The following TNKS variants were observed in gnomAD, a reference collection of about 807,000 sequenced individuals.
TNKS encodes the protein poly [ADP-ribose] polymerase tankyrase-1.
Under a neutral mutation model 135.8 loss-of-function variants are expected in TNKS, and 72 were observed. The ratio of observed to expected loss-of-function variants is 0.53; its 90% CI spans 0.44 to 0.64. The LOEUF (loss-of-function observed/expected upper bound fraction) is 0.64. Ranked by LOEUF, TNKS falls within the 30% of genes least tolerant of loss-of-function variation. TNKS has a pLI of 0.00. For missense variants in TNKS, 1,769 were observed against 1,674.0 expected (o/e 1.06, Z -0.99); for synonymous variants, 849 against 649.3 (o/e 1.31, Z -4.68).
rs566448141 is a variant in TNKS, at chr8:9,763,165, C to T, written c.3293C>T (p.Thr1098Ile). Residue 1098 changes from threonine to isoleucine, a missense_variant, in exon 22 of 27, where the codon ACT becomes ATT. Thr to Ile is a moderately conservative substitution (Grantham distance 89). This residue lies in a region of TNKS where 722 missense variants were observed against 688.9 expected (regional missense o/e 1.05). Coordinates refer to ENST00000310430, the MANE Select transcript of TNKS (RefSeq NM_003747.3). Reference protein sequence around the residue: ...GGQQGTNPYLTFHCVNQGTIL... With the variant: ...GGQQGTNPYLIFHCVNQGTIL... ...CCGACAGGCACCAATCCTTATTTGA[C>T]TTTTCACTGTGTTAATCAGGGAACG... The T allele has an allele frequency of 6.3e-6, 10 of 1,581,742 alleles. No individual in the cohort carries two copies. The highest frequency in any genetic ancestry group is 7.7e-6 in the Non-Finnish European group (9 of 1,162,250).
intron 1 of TNKS, among the ~76,000 whole-genome samples, chr8:9,576,366 G>T (rs1340392203): frequency 3.3e-5 from 5 of 152,028 alleles, no homozygotes; most frequent in Admixed American, 2.6e-4. Context: ...GGTGGGAGGA[G>T]GCCTCAGGAT....
chr8:9,772,150 CATTATTAGACCAGGCAAGA>C, intron 26 of TNKS, among the ~76,000 whole-genome samples: 1 of 149,876 alleles, frequency 6.7e-6, no homozygotes, highest in Admixed American at 6.6e-5. Flanking sequence ...ATCATGTACC[CATTATTAGACCAGGCAAGA>C]ATTATTAATG....
At chr8:9,648,298 C>CT (rs1486455410) in intron 3 of TNKS, among the ~76,000 whole-genome samples, 1 of 151,854 alleles carries the variant, frequency 6.6e-6, no homozygotes, top group East Asian at 1.9e-4. Context: ...TTTTTTTTAA[C>CT]TTTTTGACTG....
intron 5 of TNKS, among the ~76,000 whole-genome samples, chr8:9,688,399 A>T (rs1478095657): frequency 6.6e-6 from 1 of 152,242 alleles, no homozygotes; most frequent in South Asian, 2.1e-4. Flanking sequence ...AATTATCTGT[A>T]ACTTTGAATT....
chr8:9,644,268 G>A (rs1800828529), intron 3 of TNKS, among the ~76,000 whole-genome samples: 1 of 152,104 alleles, frequency 6.6e-6, no homozygotes, highest in African/African-American at 2.4e-5. Flanking sequence ...ATAAATTTGG[G>A]TGAGGCTCTG....
intron 11 of TNKS, chr8:9,710,457 C>T: frequency 3.5e-6 from 2 of 576,918 alleles, no homozygotes; most frequent in Non-Finnish European, 3.1e-6. Flanking sequence ...CAAAATATAG[C>T]TATAGTCATT....
chr8:9,577,443 A>G (rs6601337), intron 1 of TNKS, among the ~76,000 whole-genome samples: 43,515 of 151,988 alleles, frequency 0.29, 6,625 homozygotes, highest in East Asian at 0.38. Context: ...AGTTTTGTAG[A>G]CTGTACAGGA....
chr8:9,691,170 G>A (rs914245188), intron 5 of TNKS, among the ~76,000 whole-genome samples: 2 of 152,226 alleles, frequency 1.3e-5, no homozygotes, highest in Non-Finnish European at 1.5e-5. Context: ...TTTAGTTCAA[G>A]AAGAGACCAA....
intron 3 of TNKS, among the ~76,000 whole-genome samples, chr8:9,678,315 G>C (rs1382697406): frequency 6.6e-6 from 1 of 152,128 alleles, no homozygotes; most frequent in African/African-American, 2.4e-5. Flanking sequence ...CTTCCATATT[G>C]CTACCTAAAA....
intron 11 of TNKS, among the ~76,000 whole-genome samples, chr8:9,715,598 C>T (rs1344488297): frequency 6.6e-6 from 1 of 152,122 alleles, no homozygotes; most frequent in Non-Finnish European, 1.5e-5. Context: ...CCAAAAGAGT[C>T]TGTTGATGTG....
At chr8:9,568,859 C>T (rs981673463) in intron 1 of TNKS, among the ~76,000 whole-genome samples, 41 of 152,238 alleles carry the variant, frequency 2.7e-4, no homozygotes, top group African/African-American at 9.2e-4. Flanking sequence ...TTAGTTGCAA[C>T]GTAGAATCTG....
At chr8:9,662,306 T>C (rs936156501) in intron 3 of TNKS, among the ~76,000 whole-genome samples, 108 of 152,348 alleles carry the variant, frequency 7.1e-4, no homozygotes, top group Middle Eastern at 3.4e-3. Flanking sequence ...GTATGTTTAT[T>C]GCGGCACTAT....
chr8:9,639,738 G>C (rs963519245), intron 3 of TNKS, among the ~76,000 whole-genome samples: 5 of 152,090 alleles, frequency 3.3e-5, no homozygotes, highest in Non-Finnish European at 5.9e-5. Flanking sequence ...AGGGGATTCT[G>C]GTTTGTGCTA....
intron 11 of TNKS, among the ~76,000 whole-genome samples, chr8:9,718,039 AG>A (rs1350710397): frequency 2.6e-5 from 4 of 152,328 alleles, no homozygotes; most frequent in African/African-American, 9.6e-5. Context: ...TTAGTCCAAA[AG>A]GTACAGAAAA....
Position 9,615,687 on chromosome 8 carries a change from C to G in TNKS, c.994+10C>G. 1 of 1,596,632 alleles carries G rather than the reference C, an allele frequency of 6.3e-7. No individual in the cohort carries two copies. Among genetic ancestry groups the G allele is most frequent in the Non-Finnish European group, 8.6e-7 (1 of 1,167,376 alleles). On this transcript the variant is annotated intron_variant, in intron 3 of 26. Transcript: ENST00000310430. The stretch of plus-strand genomic sequence containing the variant: ...AAAGCTGTCCTTACAGGTAAGAAGA[C>G]AGAGAGCTACCGAATGATTATATCT...
intron 3 of TNKS, among the ~76,000 whole-genome samples, chr8:9,647,859 C>T (rs757600321): frequency 6.6e-6 from 1 of 152,196 alleles, no homozygotes; most frequent in Non-Finnish European, 1.5e-5. Context: ...TATACTTACA[C>T]AAACCTAGAT....
chr8:9,713,041 C>T (rs975435315), intron 11 of TNKS, among the ~76,000 whole-genome samples: 6 of 152,184 alleles, frequency 3.9e-5, no homozygotes, highest in African/African-American at 1.4e-4. Context: ...TAAGTGTTCT[C>T]AAAACTTTTC....
At chr8:9,625,125 T>C (rs1026040998) in intron 3 of TNKS, among the ~76,000 whole-genome samples, 1 of 152,080 alleles carries the variant, frequency 6.6e-6, no homozygotes, top group Non-Finnish European at 1.5e-5. Context: ...AATTGGGTTA[T>C]TTATTTCTTC....
intron 3 of TNKS, chr8:9,658,290 G>A (rs1393605143): frequency 1.3e-4 from 55 of 414,786 alleles, no homozygotes; most frequent in African/African-American, 1.0e-3. Context: ...CAAGGCAGGC[G>A]GCTGCTCCTT....
Sources: allele counts gnomAD v4.1 joint callset (sites outside exome capture counted in the v4.1 genomes callset), GRCh38; gene constraint gnomAD v4.1.1; regional missense constraint gnomAD v4.1.1; transcripts MANE v1.5; gene names NCBI Gene and HGNC (gene_info 2026-07-23, HGNC 2026-07-21).